RFX3: variants seen among roughly 807,000 people sequenced by gnomAD.
The protein encoded by RFX3 is transcription factor RFX3.
Under a neutral mutation model 98.6 loss-of-function variants are expected in RFX3, and 14 were observed. The observed-to-expected ratio is 0.14, with a 90% CI of 0.09 to 0.22. The LOEUF is 0.22. RFX3 is among the 10% of genes least tolerant of loss of function. The probability of loss-of-function intolerance (pLI) is 1.00; values close to 1 mark genes in which losing one functional copy is unlikely to be tolerated. For missense variants in RFX3, 639 were observed against 926.9 expected (o/e 0.69, Z 4.03); for synonymous variants, 383 against 328.4 (o/e 1.17, Z -1.80).
Position 3,348,960 on chromosome 9 carries a change from T to C in RFX3, c.118-2196A>G, listed in dbSNP as rs145286144. ...ATTTCTTCAAAAAAGCCCTGGCTCT[T>C]CTTAGTGGAAAATGGAATTCAAAGA... On this transcript the variant is annotated intron_variant, in intron 2 of 16. Coordinates refer to ENST00000617270, the MANE Select transcript of RFX3 (RefSeq NM_001282116.2). Among the ~76,000 whole-genome samples the C allele has an allele frequency of 6.2e-3, 948 of 152,258 alleles. 3 individuals carry two copies. Among genetic ancestry groups the C allele is most frequent in the Non-Finnish European group, 0.01 (686 of 67,988 alleles).
At chr9:3,419,688 A>C (rs376622007) in intron 1 of RFX3, among the ~76,000 whole-genome samples, 1 of 152,232 alleles carries the variant, frequency 6.6e-6, no homozygotes, top group African/African-American at 2.4e-5. Context: ...TGAGGATACA[A>C]AGATCCATGG....
intron 7 of RFX3, among the ~76,000 whole-genome samples, chr9:3,286,637 T>TGCTTCAAAGCCTTACATA (rs1485367191): frequency 6.6e-6 from 1 of 152,066 alleles, no homozygotes; most frequent in South Asian, 2.1e-4. Context: ...TTCATTGTTT[T>TGCTTCAAAGCCTTACATA]GCTTCAAAGC....
chr9:3,283,811 T>C (rs775507477), intron 7 of RFX3, among the ~76,000 whole-genome samples: 8 of 151,632 alleles, frequency 5.3e-5, no homozygotes, highest in Non-Finnish European at 1.0e-4. Flanking sequence ...AACATACTCA[T>C]TAAAATGTGA....
intron 13 of RFX3, 95 bp from the exon 14 acceptor site, chr9:3,257,294 T>A (rs1392705454): frequency 3.1e-6 from 3 of 960,698 alleles, no homozygotes; most frequent in Admixed American, 2.5e-5. Context: ...CAGAAAATTA[T>A]AATAAAAGCT....
chr9:3,407,606 TGAC>T (rs1195403562), intron 1 of RFX3, among the ~76,000 whole-genome samples: 1 of 152,172 alleles, frequency 6.6e-6, no homozygotes, highest in Non-Finnish European at 1.5e-5. Flanking sequence ...GCTAATAATA[TGAC>T]AACAATTTAG....
chr9:3,265,782 A>G (rs1229304036), intron 12 of RFX3, among the ~76,000 whole-genome samples: 1 of 152,184 alleles, frequency 6.6e-6, no homozygotes, highest in Non-Finnish European at 1.5e-5. Flanking sequence ...ATTAATTTCT[A>G]TGAACTTTTC....
At chr9:3,445,962 G>C (rs1285142018) in intron 1 of RFX3, among the ~76,000 whole-genome samples, 3 of 152,008 alleles carry the variant, frequency 2.0e-5, no homozygotes, top group African/African-American at 4.8e-5. Context: ...GTCACATTTA[G>C]ATGTACCTCC....
intron 1 of RFX3, among the ~76,000 whole-genome samples, chr9:3,448,730 G>A (rs1372624276): frequency 2.6e-5 from 4 of 152,132 alleles, no homozygotes; most frequent in Admixed American, 2.6e-4. Context: ...ATGTTGCCCA[G>A]GCTGGTCTCA....
intron 1 of RFX3, among the ~76,000 whole-genome samples, chr9:3,437,034 T>C (rs927486824): frequency 1.3e-5 from 2 of 152,122 alleles, no homozygotes; most frequent in Non-Finnish European, 1.5e-5. Context: ...TTTTCTTTTA[T>C]AGCACAATTC....
intron 15 of RFX3, among the ~76,000 whole-genome samples, chr9:3,243,678 T>C (rs1367252421): frequency 1.3e-5 from 2 of 152,230 alleles, no homozygotes; most frequent in Non-Finnish European, 2.9e-5. Flanking sequence ...ATACATTCAT[T>C]GTTCTTAAGT....
At chr9:3,373,476 G>A (rs1358227057) in intron 2 of RFX3, among the ~76,000 whole-genome samples, 2 of 152,096 alleles carry the variant, frequency 1.3e-5, no homozygotes, top group African/African-American at 4.8e-5. Context: ...CTGTTAAATA[G>A]AGAATTAAAA....
intron 1 of RFX3, among the ~76,000 whole-genome samples, chr9:3,503,088 G>A (rs1395675943): frequency 6.6e-6 from 1 of 152,058 alleles, no homozygotes; most frequent in Non-Finnish European, 1.5e-5. Context: ...CAAACAAGTG[G>A]AGATACTAAA....
chr9:3,517,377 C>T (rs948783437), intron 1 of RFX3, among the ~76,000 whole-genome samples: 2 of 152,162 alleles, frequency 1.3e-5, no homozygotes, highest in African/African-American at 4.8e-5. Flanking sequence ...ACTCGCTGTC[C>T]TTTCTCCTTT....
chr9:3,459,785 A>G (rs1847524714), intron 1 of RFX3, among the ~76,000 whole-genome samples: 1 of 151,896 alleles, frequency 6.6e-6, no homozygotes. Flanking sequence ...ATTCTTATCC[A>G]TTTTACTCAG....
At position 3,370,544 on chromosome 9, in the gene RFX3, C is replaced by T. The variant is rs111904719; in HGVS notation, c.118-23780G>A. On this transcript the variant is annotated intron_variant, in intron 2 of 16. Coordinates refer to ENST00000617270, the MANE Select transcript of RFX3 (RefSeq NM_001282116.2). ...TCAGAACAGTGTTTGTTTCTGGGATCGAGGGATGGGGAGGGTAGAGATTGG... is the reference window on the plus strand; with the variant it reads ...TCAGAACAGTGTTTGTTTCTGGGATTGAGGGATGGGGAGGGTAGAGATTGG... 3.3e-3 allele frequency among the ~76,000 whole-genome samples: 499 copies of T among 151,428 alleles called. 6 individuals are homozygous for T. Among genetic ancestry groups the T allele is most frequent in the African/African-American group, 0.011 (474 of 41,288 alleles).
At chr9:3,457,185 C>T (rs1179165631) in intron 1 of RFX3, among the ~76,000 whole-genome samples, 1 of 144,850 alleles carries the variant, frequency 6.9e-6, no homozygotes, top group Non-Finnish European at 1.5e-5. Flanking sequence ...AGAATTGTCC[C>T]AAGGATAAAC....
At chr9:3,504,099 CTT>C (rs1349286893) in intron 1 of RFX3, among the ~76,000 whole-genome samples, 1 of 139,710 alleles carries the variant, frequency 7.2e-6, no homozygotes, top group Non-Finnish European at 1.5e-5. Flanking sequence ...ATCAATACAT[CTT>C]TCTCTCTCTC....
chr9:3,452,530 C>G lies in RFX3; in HGVS notation c.-8-56934G>C, dbSNP rs552178803. The G allele has an allele frequency of 5.8e-5, 9 of 153,992 alleles. No individual in the cohort carries two copies. In the South Asian group the frequency reaches 1.7e-3, roughly 29 times the overall value. 9.5% of individuals were successfully genotyped at this position (153,992 alleles called of 1,614,324 possible). ...ATTGCTTGAGCTCAAGAGTTTGGCACTGCAGTGAACTATGATTGTGCCACT... is the reference window on the plus strand; with the variant it reads ...ATTGCTTGAGCTCAAGAGTTTGGCAGTGCAGTGAACTATGATTGTGCCACT... On this transcript the variant is annotated intron_variant, in intron 1 of 16. Transcript: ENST00000617270.
intron 5 of RFX3, among the ~76,000 whole-genome samples, chr9:3,300,033 C>T (rs1828456937): frequency 1.3e-5 from 2 of 150,496 alleles, no homozygotes; most frequent in Admixed American, 1.3e-4. Context: ...TGTCCTTGCA[C>T]ATTTGTGACT....
Sources: gnomAD v4.1 joint callset for allele counts (sites outside exome capture counted in the v4.1 genomes callset) on GRCh38, gnomAD v4.1.1 for gene constraint, MANE v1.5 for transcripts, NCBI Gene and HGNC (gene_info 2026-07-23, HGNC 2026-07-21) for gene names.